The following FAF1 variants were observed in gnomAD, a reference collection of about 807,000 sequenced individuals.
FAF1 encodes FAS-associated factor 1.
In FAF1, 25 loss-of-function variants were observed where a neutral mutation model predicts 92.5. That is an observed-to-expected ratio of 0.27 (90% confidence interval 0.20 to 0.38). FAF1 has a LOEUF of 0.38. FAF1 is among the 10% of genes least tolerant of loss of function. The pLI is 1.00. For missense variants in FAF1, 636 were observed against 793.3 expected (o/e 0.80, Z 2.38); for synonymous variants, 234 against 273.2 (o/e 0.86, Z 1.42).
intron 7 of FAF1, among the ~76,000 whole-genome samples, chr1:50,692,740 A>C (rs1308757899): frequency 6.6e-6 from 1 of 152,180 alleles, no homozygotes; most frequent in Non-Finnish European, 1.5e-5. Flanking sequence ...TGCTTCAATG[A>C]ATACTGGAAT....
chr1:50,499,513 A>G (rs573867918), intron 15 of FAF1, among the ~76,000 whole-genome samples: 1 of 152,224 alleles, frequency 6.6e-6, no homozygotes, highest in African/African-American at 2.4e-5. Context: ...TATATCATAA[A>G]TTACACTGAC....
chr1:50,693,783 C>T (rs1445454449), intron 7 of FAF1, among the ~76,000 whole-genome samples: 2 of 152,010 alleles, frequency 1.3e-5, no homozygotes, highest in Non-Finnish European at 2.9e-5. Context: ...CTTATACAGT[C>T]ACTGCCTACA....
chr1:50,514,120 T>C (rs1297087883), intron 15 of FAF1, among the ~76,000 whole-genome samples: 1 of 152,230 alleles, frequency 6.6e-6, no homozygotes, highest in Non-Finnish European at 1.5e-5. Flanking sequence ...GGATTCTCCT[T>C]AGAGAAGAGC....
intron 13 of FAF1, among the ~76,000 whole-genome samples, chr1:50,545,895 G>C (rs1360468313): frequency 1.3e-5 from 2 of 152,184 alleles, no homozygotes; most frequent in Admixed American, 6.5e-5. Context: ...GGATGCAGTA[G>C]CTCACACCAG....
intron 2 of FAF1, among the ~76,000 whole-genome samples, chr1:50,852,404 A>G (rs1239200938): frequency 6.6e-6 from 1 of 152,246 alleles, no homozygotes; most frequent in East Asian, 1.9e-4. Flanking sequence ...CAATTACTAT[A>G]TGTCACAGAC....
Position 50,768,828 on chromosome 1 carries a change from A to T in FAF1, c.367+19172T>A, listed in dbSNP as rs1660673393. On this transcript the variant is annotated intron_variant, in intron 4 of 18. Transcript: ENST00000396153. ...ATAACACTAAATGTCCACAGCAAAA[A>T]GTTAGAAAGACCTCAAATTAACAAT... 3.3e-5 allele frequency among the ~76,000 whole-genome samples: 5 copies of T among 152,312 alleles called. No individual in the cohort carries two copies. In the South Asian group the frequency reaches 1.0e-3, roughly 32 times the overall value.
chr1:50,561,108 A>G (rs991839887), intron 13 of FAF1, among the ~76,000 whole-genome samples: 1 of 152,218 alleles, frequency 6.6e-6, no homozygotes, highest in Admixed American at 6.5e-5. Flanking sequence ...TAGAAGGTTC[A>G]GTACCATCCC....
intron 7 of FAF1, among the ~76,000 whole-genome samples, chr1:50,662,036 T>C (rs1655399128): frequency 6.6e-6 from 1 of 152,186 alleles, no homozygotes; most frequent in Non-Finnish European, 1.5e-5. Flanking sequence ...AGCAAGCTTT[T>C]TTTTTCTTCC....
At chr1:50,685,507 C>T (rs1184863068) in intron 7 of FAF1, among the ~76,000 whole-genome samples, 1 of 152,156 alleles carries the variant, frequency 6.6e-6, no homozygotes, top group Non-Finnish European at 1.5e-5. Flanking sequence ...TGGGGAAAAG[C>T]AATGACCTTA....
At chr1:50,451,727 G>T in intron 18 of FAF1, 1 of 382,338 alleles carries the variant, frequency 2.6e-6, no homozygotes, top group Non-Finnish European at 3.6e-6. Flanking sequence ...AGAGCTGGAT[G>T]GGTCTTTAGA....
At chr1:50,498,849 C>CAA (rs552247958) in intron 15 of FAF1, among the ~76,000 whole-genome samples, 1,752 of 83,256 alleles carry the variant, frequency 0.021, 33 homozygotes, top group African/African-American at 0.062. Flanking sequence ...ACCTCTGTCT[C>CAA]AAAAAAAAAA....
intron 4 of FAF1, among the ~76,000 whole-genome samples, chr1:50,781,304 GA>G (rs1172895918): frequency 0.038 from 5,097 of 135,786 alleles, 296 homozygotes; most frequent in African/African-American, 0.13. Flanking sequence ...ACTTCAAAAA[GA>G]AAAAAAAAAA....
intron 15 of FAF1, among the ~76,000 whole-genome samples, chr1:50,508,170 C>T (rs1335734029): frequency 6.6e-6 from 1 of 152,174 alleles, no homozygotes; most frequent in East Asian, 1.9e-4. Flanking sequence ...TAGAAGGTTC[C>T]TTTTTGGTTC....
In FAF1 at chr1:50,869,812, C is replaced by CT. The variant is rs1644512120; in HGVS notation, c.46-11816dup. Among the ~76,000 whole-genome samples the CT allele has an allele frequency of 3.9e-5, 6 of 152,110 alleles. No individual in the cohort carries two copies. The South Asian group carries it at 1.2e-3, about 31-fold the overall frequency. ...ATTTCTGGCTTATAAGTTCTATTCT[C>CT]TACAGTTTTACATATTTTAAACATA... On this transcript the variant is annotated intron_variant, in intron 1 of 18. Coordinates refer to ENST00000396153, the MANE Select transcript of FAF1 (RefSeq NM_007051.3).
At chr1:50,722,377 G>A (rs561026009) in intron 6 of FAF1, among the ~76,000 whole-genome samples, 3 of 152,148 alleles carry the variant, frequency 2.0e-5, no homozygotes, top group Non-Finnish European at 4.4e-5. Context: ...GGCCGGGCGC[G>A]GTGGCTCACG....
intron 6 of FAF1, among the ~76,000 whole-genome samples, chr1:50,707,693 CA>C (rs917013033): frequency 2.2e-5 from 3 of 138,226 alleles, no homozygotes; most frequent in Non-Finnish European, 3.1e-5. Context: ...GACGCTGTCC[CA>C]AAAAAAAGAA....
chr1:50,620,666 G>A (rs1367105284), intron 8 of FAF1, among the ~76,000 whole-genome samples: 1 of 152,248 alleles, frequency 6.6e-6, no homozygotes, highest in African/African-American at 2.4e-5. Context: ...GATTCTTTAT[G>A]TGTGGGTGAA....
intron 17 of FAF1, among the ~76,000 whole-genome samples, chr1:50,482,426 A>G (rs1646714773): frequency 1.3e-5 from 2 of 152,200 alleles, no homozygotes; most frequent in African/African-American, 4.8e-5. Flanking sequence ...AAAGCTGCCA[A>G]AAACATTTTC....
intron 8 of FAF1, among the ~76,000 whole-genome samples, chr1:50,632,382 T>C (rs890125229): frequency 1.3e-5 from 2 of 152,314 alleles, no homozygotes; most frequent in East Asian, 1.9e-4. Flanking sequence ...AGATAACTGA[T>C]TGGCTTTTAT....
Sources: gnomAD v4.1 joint callset for allele counts (sites outside exome capture counted in the v4.1 genomes callset) on GRCh38, gnomAD v4.1.1 for gene constraint, MANE v1.5 for transcripts, NCBI Gene and HGNC (gene_info 2026-07-23, HGNC 2026-07-21) for gene names.